PHEX: variants seen among roughly 807,000 people sequenced by gnomAD.
PHEX encodes the protein phosphate regulating endopeptidase X-linked, also known as phosphate-regulating neutral endopeptidase PHEX.
Under a neutral mutation model 68.0 loss-of-function variants are expected in PHEX, and 16 were observed. The observed-to-expected ratio is 0.24, with a 90% CI of 0.16 to 0.36. PHEX has a LOEUF of 0.36. Ranked by LOEUF, PHEX falls within the 10% of genes least tolerant of loss-of-function variation. PHEX has a pLI of 1.00. For missense variants in PHEX, 480 were observed against 575.5 expected (o/e 0.83, Z 1.70); for synonymous variants, 208 against 205.1 (o/e 1.01, Z -0.12).
intron 15 of PHEX, among the ~76,000 whole-genome samples, chrX:22,190,739 A>G (rs887107402): frequency 3.6e-5 from 4 of 111,496 alleles, no homozygotes; most frequent in African/African-American, 9.8e-5. Flanking sequence ...CAGTAAACCA[A>G]ATTAAACCAT....
intron 11 of PHEX, among the ~76,000 whole-genome samples, chrX:22,132,451 C>T (rs1252815406): frequency 9.0e-6 from 1 of 111,122 alleles, no homozygotes; most frequent in Non-Finnish European, 1.9e-5. Context: ...CTTTTCTGAG[C>T]TGCCAAGGAG....
chrX:22,242,264 G>A (rs750263525), intron 20 of PHEX, among the ~76,000 whole-genome samples: 10 of 111,825 alleles, frequency 8.9e-5, no homozygotes, highest in South Asian at 3.7e-4. Flanking sequence ...ACTAGGTATC[G>A]ATGGAACGTA....
intron 12 of PHEX, among the ~76,000 whole-genome samples, chrX:22,164,546 G>C (rs1933245994): frequency 8.9e-6 from 1 of 111,784 alleles, no homozygotes. Flanking sequence ...GGGTCCCAGA[G>C]ATGAGGTTTA....
intron 1 of PHEX, among the ~76,000 whole-genome samples, chrX:22,036,228 A>G (rs2146977274): frequency 9.4e-6 from 1 of 106,013 alleles, no homozygotes; most frequent in Non-Finnish European, 1.9e-5. Flanking sequence ...CCCAGCTAAG[A>G]TTTGTATTTT....
intron 5 of PHEX, among the ~76,000 whole-genome samples, chrX:22,085,840 C>T (rs1018643211): frequency 5.4e-5 from 6 of 111,607 alleles, no homozygotes; most frequent in Middle Eastern, 4.2e-3. Context: ...TCTAGTTTAA[C>T]GCTGATGTTT....
intron 5 of PHEX, among the ~76,000 whole-genome samples, chrX:22,079,309 A>G (rs1779168476): frequency 8.9e-6 from 1 of 112,081 alleles, no homozygotes; most frequent in Admixed American, 9.5e-5. Flanking sequence ...ACAAAATTAA[A>G]GAATAGAAAA....
intron 21 of PHEX, among the ~76,000 whole-genome samples, chrX:22,246,152 A>G (rs891250543): frequency 3.6e-5 from 4 of 112,232 alleles, no homozygotes; most frequent in Non-Finnish European, 5.6e-5. Flanking sequence ...GTCAGAATGT[A>G]TAAAACATTA....
rs1336971030 is a variant in PHEX at position 22,112,552 on chromosome X, T to C, written c.1173+992T>C. Among the ~76,000 whole-genome samples, 3 of 111,847 alleles carry C rather than the reference T, an allele frequency of 2.7e-5. No homozygotes were observed. The Admixed American group carries it at 2.9e-4, about 11-fold the overall frequency. On this transcript the variant is annotated intron_variant, in intron 10 of 21. Coordinates refer to ENST00000379374, the MANE Select transcript of PHEX (RefSeq NM_000444.6). The stretch of plus-strand genomic sequence containing the variant: ...ATAGAAATTCTTAGTGGGCCATTAC[T>C]CTGGAAGAGTAGTGCAATTATTTTG...
At chrX:22,194,921 T>A (rs1934314428) in intron 15 of PHEX, among the ~76,000 whole-genome samples, 2 of 112,537 alleles carry the variant, frequency 1.8e-5, no homozygotes, top group Non-Finnish European at 3.7e-5. Context: ...TTGAATAAGG[T>A]GGTTAAAGAG....
At chrX:22,087,898 AT>A (rs764201893) in intron 5 of PHEX, among the ~76,000 whole-genome samples, 280 of 112,040 alleles carry the variant, frequency 2.5e-3, no homozygotes, top group Middle Eastern at 9.1e-3. Context: ...GGTGCTGGAA[AT>A]TTTTTTAAAG....
chrX:22,062,785 G>T (rs1392117271), intron 3 of PHEX, among the ~76,000 whole-genome samples: 1 of 111,175 alleles, frequency 9.0e-6, no homozygotes, highest in African/African-American at 3.3e-5. Context: ...TTTTGAGACA[G>T]AGTCTTGCTC....
At chrX:22,104,406 G>C (rs1458706590) in intron 9 of PHEX, among the ~76,000 whole-genome samples, 2 of 109,946 alleles carry the variant, frequency 1.8e-5, no homozygotes, top group Non-Finnish European at 3.8e-5. Context: ...GGAATGAGCT[G>C]GAGGCTGCCT....
rs766791968 is a variant in PHEX at position 22,233,790 on chromosome X, C to T, written c.2070+6179C>T. Among the ~76,000 whole-genome samples the T allele has an allele frequency of 3.3e-4, 37 of 111,541 alleles. 1 individual carries two copies. Among genetic ancestry groups the T allele is most frequent in the Non-Finnish European group, 6.4e-4 (34 of 53,161 alleles). ...TTAGCTCGGAGAAGTTTGTTATCAC[C>T]CACCTTCTGAAGCCTACTTCTGTCA... is the stretch of plus-strand genomic sequence containing the variant. On this transcript the variant is annotated intron_variant, in intron 20 of 21. Transcript: ENST00000379374.
intron 11 of PHEX, among the ~76,000 whole-genome samples, chrX:22,125,499 T>C (rs757937786): frequency 9.0e-6 from 1 of 111,703 alleles, no homozygotes; most frequent in African/African-American, 3.2e-5. Context: ...CTTTTCTTTT[T>C]CAGAACTCCT....
intron 3 of PHEX, among the ~76,000 whole-genome samples, chrX:22,051,324 A>T (rs1374513223): frequency 8.9e-6 from 1 of 112,158 alleles, no homozygotes; most frequent in Non-Finnish European, 1.9e-5. Flanking sequence ...TGAGGTCAGG[A>T]GTTCAAGACC....
intron 15 of PHEX, among the ~76,000 whole-genome samples, chrX:22,212,008 G>A (rs1934943914): frequency 1.8e-5 from 2 of 111,628 alleles, no homozygotes; most frequent in Non-Finnish European, 3.8e-5. Context: ...TACAATTCAA[G>A]GTGAGATTTG....
Position 22,123,026 on chromosome X carries a change from G to T in PHEX, c.1302+8440G>T, listed in dbSNP as rs538395487. Among the ~76,000 whole-genome samples the T allele has an allele frequency of 4.0e-4, 34 of 84,215 alleles. No individual in the cohort carries two copies. In the South Asian group the frequency reaches 0.021, roughly 51 times the overall value. The allele number at this position is 84,215 out of a possible 115,157, so 73.1% of individuals were successfully genotyped here. ...TTTTTTTGAGACAAGGTCTGGCTCTGTCCCCCAGGCTGGAGTGCAGTGGTG... is the reference window on the plus strand; with the variant it reads ...TTTTTTTGAGACAAGGTCTGGCTCTTTCCCCCAGGCTGGAGTGCAGTGGTG... On this transcript the variant is annotated intron_variant, in intron 11 of 21. Coordinates refer to ENST00000379374, the MANE Select transcript of PHEX (RefSeq NM_000444.6).
chrX:22,212,813 G>T (rs1036750319), intron 15 of PHEX, 91 bp from the exon 16 acceptor site: 3 of 684,642 alleles, frequency 4.4e-6, no homozygotes, highest in Non-Finnish European at 7.2e-6. Flanking sequence ...CTTTCAGATG[G>T]GTCTTTGAAA....
At chrX:22,095,559 C>T (rs1441085519) in intron 7 of PHEX, among the ~76,000 whole-genome samples, 11 of 111,717 alleles carry the variant, frequency 9.8e-5, no homozygotes, top group South Asian at 7.5e-4. Context: ...ACTCCGAGGG[C>T]GGAGGAGGGA....
Sources: allele counts gnomAD v4.1 joint callset (sites outside exome capture counted in the v4.1 genomes callset), GRCh38; gene constraint gnomAD v4.1.1; transcripts MANE v1.5; gene names NCBI Gene and HGNC (gene_info 2026-07-23, HGNC 2026-07-21).